Variants in LRRCC1 observed in about 807,000 individuals in gnomAD.
The protein encoded by LRRCC1 is leucine-rich repeat and coiled-coil domain-containing protein 1.
In LRRCC1, 115 loss-of-function variants were observed where a neutral mutation model predicts 126.0. That is an observed-to-expected ratio of 0.91 (90% CI 0.78 to 1.07). LRRCC1 has a LOEUF of 1.07. LRRCC1 is among the 50% of genes least tolerant of loss of function. The probability of loss-of-function intolerance (pLI) is 0.00; values close to 1 mark genes in which losing one functional copy is unlikely to be tolerated. For missense variants in LRRCC1, 1,172 were observed against 1,175.7 expected (o/e 1.00, Z 0.05); for synonymous variants, 400 against 393.4 (o/e 1.02, Z -0.20).
rs1223320542 is a variant in LRRCC1, at chr8:85,114,284, CTTTG to C, written c.545-812_545-809del. Among the ~76,000 whole-genome samples, 9 of 151,148 alleles carry C rather than the reference CTTTG, an allele frequency of 6.0e-5. No homozygotes were observed. In the East Asian group the frequency reaches 1.5e-3, roughly 26 times the overall value. On this transcript the variant is annotated intron_variant, in intron 4 of 18. Transcript: ENST00000360375. ...AACCTCTGGTTTCTACAATTTGAATCTTTGTTTTTCACTTTTTTTCCTAAATTAG... is the reference window on the plus strand; with the variant it reads ...AACCTCTGGTTTCTACAATTTGAATCTTTTTCACTTTTTTTCCTAAATTAG...
chr8:85,138,460 G>C lies in LRRCC1; in HGVS notation c.2825G>C (p.Ser942Thr), dbSNP rs370302456. The C allele has an allele frequency of 7.3e-5, 118 of 1,610,102 alleles. No individual in the cohort carries two copies. The highest frequency in any genetic ancestry group is 9.4e-5 in the Non-Finnish European group (111 of 1,178,968). ...EKKLKAERDK[S>T]IELQKNAMEK... ...AAACTTAAAGCGGAAAGAGACAAAA[G>C]TATTGAACTACAAAAGTAAGCATTA... is the stretch of plus-strand genomic sequence containing the variant. The change falls in exon 17 of 19, where the codon AGT becomes ACT. Residue 942 changes from serine to threonine, a missense_variant. Physicochemically the swap from Ser to Thr is moderately conservative, Grantham distance 58. Coordinates refer to ENST00000360375, the MANE Select transcript of LRRCC1 (RefSeq NM_033402.5).
chr8:85,113,494 GCCA>G (rs981695502), intron 4 of LRRCC1, among the ~76,000 whole-genome samples: 1 of 152,050 alleles, frequency 6.6e-6, no homozygotes, highest in South Asian at 2.1e-4. Flanking sequence ...CACACAGTAG[GCCA>G]CCATTTGTGT....
In LRRCC1 at chr8:85,134,973, C is replaced by A; in HGVS notation, c.2095C>A (p.Gln699Lys). 6.4e-7 allele frequency: 1 copy of A among 1,555,350 alleles called. No individual in the cohort carries two copies. Among genetic ancestry groups the A allele is most frequent in the East Asian group, 2.4e-5 (1 of 41,990 alleles). The change falls in exon 13 of 19, where the codon CAA becomes AAA. Residue 699 changes from glutamine to lysine, a missense_variant. Coordinates refer to ENST00000360375, the MANE Select transcript of LRRCC1 (RefSeq NM_033402.5). ...IKDLTCMVKEQKTKLAEVSKL... is the reference protein window; with the variant it reads ...IKDLTCMVKEKKTKLAEVSKL... ...AGATCTGACCTGTATGGTAAAGGAA[C>A]AAAAAACAAAACTGGCAGAAGTTTC...
chr8:85,145,715 G>GA lies in LRRCC1; in HGVS notation c.*210dup. 3.1e-6 allele frequency: 1 copy of GA among 327,480 alleles called. No individual in the cohort carries two copies. 20.3% of individuals were successfully genotyped at this position (327,480 alleles called of 1,614,324 possible). A position where few individuals can be genotyped will look rare whatever the true frequency, so the allele number is the denominator to read the frequency against. ...AAATTGTTGACAATTTTGTCTATTAGAAAAAACTATCATAACTAGACTTAC... is the reference window on the plus strand; with the variant it reads ...AAATTGTTGACAATTTTGTCTATTAGAAAAAAACTATCATAACTAGACTTAC... On this transcript the variant is annotated 3_prime_UTR_variant, in exon 19 of 19. Transcript: ENST00000360375.
At chr8:85,135,545 G>C (rs1049448573) in intron 13 of LRRCC1, among the ~76,000 whole-genome samples, 1 of 152,012 alleles carries the variant, frequency 6.6e-6, no homozygotes, top group Non-Finnish European at 1.5e-5. Flanking sequence ...AGTATTACAG[G>C]TATAGTTTCT....
intron 18 of LRRCC1, among the ~76,000 whole-genome samples, chr8:85,142,699 G>A (rs1055318071): frequency 5.3e-5 from 8 of 151,888 alleles, no homozygotes; most frequent in African/African-American, 1.2e-4. Flanking sequence ...GTGTGGTGGC[G>A]CATGCCTGTA....
chr8:85,140,573 T>C lies in LRRCC1; in HGVS notation c.2841-809T>C, dbSNP rs916567528. Among the ~76,000 whole-genome samples, 85 of 152,358 alleles carry C rather than the reference T, an allele frequency of 5.6e-4. 1 individual carries two copies. Among genetic ancestry groups the C allele is most frequent in the African/African-American group, 1.9e-3 (80 of 41,596 alleles). On this transcript the variant is annotated intron_variant, in intron 17 of 18. Transcript: ENST00000360375. ...TTGTATTTATATAAAGGAATTGTTT[T>C]ACCTCCAGGATACTTTTAGTATGAA... is the stretch of plus-strand genomic sequence containing the variant.
chr8:85,130,510 T>A (rs1810389344), intron 11 of LRRCC1, among the ~76,000 whole-genome samples: 1 of 152,096 alleles, frequency 6.6e-6, no homozygotes, highest in African/African-American at 2.4e-5. Context: ...TAGTGGAAAA[T>A]GCCGTGTTCA....
At chr8:85,134,351 C>A (rs943301151) in intron 12 of LRRCC1, among the ~76,000 whole-genome samples, 1 of 152,190 alleles carries the variant, frequency 6.6e-6, no homozygotes, top group African/African-American at 2.4e-5. Flanking sequence ...AGAGCAATAT[C>A]TGGCCACCCA....
chr8:85,145,371 ATT>A lies in LRRCC1; in HGVS notation c.2977-16_2977-15del. ...TTTCTTTAAGAAATTAAAATGTAAA[ATT>A]TACATGTCGATTTAGGTCCATCAAA... On this transcript the variant is annotated splice_polypyrimidine_tract_variant and intron_variant, in intron 18 of 18. Coordinates refer to ENST00000360375, the MANE Select transcript of LRRCC1 (RefSeq NM_033402.5). 1 of 1,437,834 alleles carries A rather than the reference ATT, an allele frequency of 7.0e-7. No individual in the cohort carries two copies. Among genetic ancestry groups the A allele is most frequent in the Non-Finnish European group, 9.2e-7 (1 of 1,088,060 alleles). 89.1% of individuals were successfully genotyped at this position (1,437,834 alleles called of 1,614,324 possible).
rs1242303801 is a variant in LRRCC1 at position 85,116,821 on chromosome 8, CAA to C, written c.930+1238_930+1239del. Among the ~76,000 whole-genome samples, 4 of 152,192 alleles carry C rather than the reference CAA, an allele frequency of 2.6e-5. No individual in the cohort carries two copies. The East Asian group carries it at 7.7e-4, about 29-fold the overall frequency. On this transcript the variant is annotated intron_variant, in intron 6 of 18. Coordinates refer to ENST00000360375, the MANE Select transcript of LRRCC1 (RefSeq NM_033402.5). Reference sequence around the variant, plus strand: ...CATAATATTAATAATGCTGGATAAACAAGAGGTCTGCCTTAGGTGAGTGAAAG... The same window carrying C: ...CATAATATTAATAATGCTGGATAAACGAGGTCTGCCTTAGGTGAGTGAAAG...
At chr8:85,120,509 TCTAA>T (rs1809464703) in intron 6 of LRRCC1, among the ~76,000 whole-genome samples, 1 of 152,240 alleles carries the variant, frequency 6.6e-6, no homozygotes, top group South Asian at 2.1e-4. Context: ...TTCCTCTTTA[TCTAA>T]CAGCCTTATT....
At chr8:85,134,028 A>G (rs1810679885) in intron 12 of LRRCC1, among the ~76,000 whole-genome samples, 1 of 152,052 alleles carries the variant, frequency 6.6e-6, no homozygotes, top group Non-Finnish European at 1.5e-5. Context: ...CTATTCCTCC[A>G]ATGTATCAGG....
chr8:85,137,318 C>T, intron 14 of LRRCC1, 146 bp from the exon 15 acceptor site: 2 of 432,242 alleles, frequency 4.6e-6, no homozygotes, highest in African/African-American at 2.1e-5. Flanking sequence ...GTTTGCTTCC[C>T]CTTTCCTCTT....
chr8:85,144,444 GTATATATA>G (rs869241784), intron 18 of LRRCC1, among the ~76,000 whole-genome samples: 2 of 114,932 alleles, frequency 1.7e-5, no homozygotes, highest in Admixed American at 2.0e-4. Context: ...GTGTGTGTGT[GTATATATA>G]TATATATATA....
Position 85,138,405 on chromosome 8 carries a change from G to T in LRRCC1, c.2770G>T (p.Val924Leu), listed in dbSNP as rs373140043. ...LCHLETQVKEVKEKFENKEKK... is the reference protein window; with the variant it reads ...LCHLETQVKELKEKFENKEKK... ...TCATCTTGAAACACAAGTAAAAGAA[G>T]TGAAAGAAAAATTTGAAAACAAGGA... The change falls in exon 17 of 19, where the codon GTG (valine) becomes TTG (leucine). Residue 924 changes from valine (V) to leucine (L), a missense_variant. Transcript: ENST00000360375. 1 of 1,612,614 alleles carries T rather than the reference G, an allele frequency of 6.2e-7. No homozygotes were observed. The highest frequency in any genetic ancestry group is 1.3e-5 in the African/African-American group (1 of 74,936).
At chr8:85,119,654 C>T (rs567095116) in intron 6 of LRRCC1, among the ~76,000 whole-genome samples, 10 of 152,054 alleles carry the variant, frequency 6.6e-5, no homozygotes, top group Middle Eastern at 3.4e-3. Flanking sequence ...CTACCACACC[C>T]GGCTAATTTT....
At chr8:85,110,786 CT>C (rs1808648812) in intron 3 of LRRCC1, among the ~76,000 whole-genome samples, 1 of 152,050 alleles carries the variant, frequency 6.6e-6, no homozygotes, top group African/African-American at 2.4e-5. Flanking sequence ...AAAGTGTTGC[CT>C]TTTTTAATTG....
chr8:85,133,563 C>G (rs1810642986), intron 12 of LRRCC1, among the ~76,000 whole-genome samples: 1 of 152,178 alleles, frequency 6.6e-6, no homozygotes, highest in Admixed American at 6.5e-5. Context: ...TCTACTTTGA[C>G]ATTTCTCCTG....
Sources: allele counts gnomAD v4.1 joint callset (sites outside exome capture counted in the v4.1 genomes callset), GRCh38; gene constraint gnomAD v4.1.1; transcripts MANE v1.5; gene names NCBI Gene and HGNC (gene_info 2026-07-23, HGNC 2026-07-21).